The following MINDY3 variants were observed in gnomAD, a reference collection of about 807,000 sequenced individuals.
MINDY3 encodes ubiquitin carboxyl-terminal hydrolase MINDY-3.
A neutral mutation model predicts 69.2 loss-of-function variants in MINDY3; 38 were observed. That is an observed-to-expected ratio of 0.55 (90% CI 0.42 to 0.72). The LOEUF is 0.72. Among genes scored for constraint, MINDY3 ranks in the 30% least tolerant of loss-of-function variants. The pLI is 0.00. For synonymous variants in MINDY3, 192 were observed against 180.1 expected (o/e 1.07, Z -0.53); for missense variants, 522 against 519.0 (o/e 1.01, Z -0.06).
chr10:15,821,771 G>T (rs1025317017), intron 8 of MINDY3, 45 bp from the exon 9 acceptor site: 2 of 1,485,132 alleles, frequency 1.3e-6, no homozygotes, highest in African/African-American at 2.8e-5. Context: ...ACTTAGCATT[G>T]TAGTAGTGTG....
chr10:15,802,802 T>G (rs1393140447), intron 10 of MINDY3, among the ~76,000 whole-genome samples: 4 of 151,974 alleles, frequency 2.6e-5, no homozygotes, highest in Non-Finnish European at 5.9e-5. Flanking sequence ...AAACTGTGTC[T>G]TGAACAATAA....
At chr10:15,819,620 C>T (rs1326023612) in intron 9 of MINDY3, among the ~76,000 whole-genome samples, 3 of 152,162 alleles carry the variant, frequency 2.0e-5, no homozygotes, top group African/African-American at 7.2e-5. Flanking sequence ...ACATCAGCTG[C>T]TCCTAATGGC....
rs550953308 is a variant in MINDY3, at chr10:15,828,331, T to C, written c.730+5299A>G. 1.4e-4 allele frequency among the ~76,000 whole-genome samples: 21 copies of C among 152,280 alleles called. No individual in the cohort carries two copies. In the South Asian group the frequency reaches 4.1e-3, roughly 30 times the overall value. Reference sequence around the variant, plus strand: ...AATCAATCAGTCACCAAAGACCGGATAGCGTATGAGTCTATTTCTATGAAA... The same window carrying C: ...AATCAATCAGTCACCAAAGACCGGACAGCGTATGAGTCTATTTCTATGAAA... On this transcript the variant is annotated intron_variant, in intron 8 of 14. Transcript: ENST00000277632.
intron 11 of MINDY3, among the ~76,000 whole-genome samples, chr10:15,789,943 C>A (rs1837286545): frequency 6.6e-6 from 1 of 152,122 alleles, no homozygotes; most frequent in South Asian, 2.1e-4. Flanking sequence ...GACCATGACA[C>A]ACACAAAGTC....
intron 8 of MINDY3, among the ~76,000 whole-genome samples, chr10:15,822,617 G>C (rs1564496809): frequency 1.3e-5 from 2 of 152,164 alleles, no homozygotes; most frequent in African/African-American, 2.4e-5. Flanking sequence ...TTCTGGACTC[G>C]TGTGAAGAGG....
In MINDY3 at chr10:15,837,432, G is replaced by T. The variant is rs902756400; in HGVS notation, c.462-114C>A. ...AAAACATATACATACAAACAGGAAAGTTTTGGGACGTTTCTAAATTTTTCA... is the reference window on the plus strand; with the variant it reads ...AAAACATATACATACAAACAGGAAATTTTTGGGACGTTTCTAAATTTTTCA... On this transcript the variant is annotated intron_variant, in intron 5 of 14. Transcript: ENST00000277632. The T allele has an allele frequency of 4.0e-6, 5 of 1,239,748 alleles. 1 individual carries two copies. In the South Asian group the frequency reaches 7.3e-5, roughly 18 times the overall value. The allele number at this position is 1,239,748 out of a possible 1,614,324, so 76.8% of individuals were successfully genotyped here. A position where few individuals can be genotyped will look rare whatever the true frequency, so the allele number is the denominator to read the frequency against.
Position 15,779,139 on chromosome 10 carries a change from G to A in MINDY3, c.1191C>T (p.Val397=). The A allele has an allele frequency of 1.2e-6, 2 of 1,612,016 alleles. No individual in the cohort carries two copies. The highest frequency in any genetic ancestry group is 2.2e-5 in the South Asian group (2 of 90,694). ...CAACTGCAGTCCCTTCTACGTACATGACCTGTTGAACAAAATAAAGCCACC... is the reference window on the plus strand; with the variant it reads ...CAACTGCAGTCCCTTCTACGTACATAACCTGTTGAACAAAATAAAGCCACC... ...GLKQSNYNEK[V]MYVEGTAVVM... Residue 397 remains valine (V), a splice_region_variant and synonymous_variant, in exon 15 of 15, where the codon GTC becomes GTT. Coordinates refer to ENST00000277632, the MANE Select transcript of MINDY3 (RefSeq NM_024948.4).
chr10:15,823,994 T>C (rs1020126525), intron 8 of MINDY3, among the ~76,000 whole-genome samples: 11 of 152,196 alleles, frequency 7.2e-5, no homozygotes, highest in African/African-American at 9.6e-5. Context: ...TCTTTGTTAT[T>C]GTTTATAGAA....
rs367679592 is a variant in MINDY3, at chr10:15,853,735, C to CT, written c.95-5793dup. ...TTTTAACTGCAAGCTGAACCAGCTACTTTTTTTTTTTTAATGGAGTGCTGC... is the reference window on the plus strand; with the variant it reads ...TTTTAACTGCAAGCTGAACCAGCTACTTTTTTTTTTTTTAATGGAGTGCTGC... On this transcript the variant is annotated intron_variant, in intron 1 of 14. Coordinates refer to ENST00000277632, the MANE Select transcript of MINDY3 (RefSeq NM_024948.4). Among the ~76,000 whole-genome samples the CT allele has an allele frequency of 6.9e-3, 1,019 of 146,932 alleles. 3 individuals are homozygous for CT. The highest frequency in any genetic ancestry group is 0.011 in the Non-Finnish European group (741 of 66,224).
chr10:15,786,322 G>A (rs1235207702), intron 13 of MINDY3, among the ~76,000 whole-genome samples: 2 of 152,006 alleles, frequency 1.3e-5, no homozygotes, highest in African/African-American at 2.4e-5. Context: ...TGTTCTCTCC[G>A]TATCATTATG....
At chr10:15,819,671 T>A (rs923694424) in intron 9 of MINDY3, among the ~76,000 whole-genome samples, 4 of 152,190 alleles carry the variant, frequency 2.6e-5, no homozygotes, top group Non-Finnish European at 5.9e-5. Flanking sequence ...CAATCCTGCA[T>A]GTGGCCCTGC....
At chr10:15,781,561 A>C (rs1016138897) in intron 14 of MINDY3, among the ~76,000 whole-genome samples, 1 of 152,112 alleles carries the variant, frequency 6.6e-6, no homozygotes, top group African/African-American at 2.4e-5. Context: ...GTGCTTTGTC[A>C]ACGGTTAGCA....
At chr10:15,832,326 T>C (rs1345101572) in intron 8 of MINDY3, among the ~76,000 whole-genome samples, 1 of 151,852 alleles carries the variant, frequency 6.6e-6, no homozygotes, top group Non-Finnish European at 1.5e-5. Context: ...ATAAGATACC[T>C]GGGGGTCCAG....
intron 2 of MINDY3, among the ~76,000 whole-genome samples, chr10:15,843,893 A>C (rs1306459890): frequency 6.6e-6 from 1 of 152,122 alleles, no homozygotes; most frequent in Non-Finnish European, 1.5e-5. Context: ...AACGGTAGCT[A>C]TATCCCAGTC....
At chr10:15,786,443 T>G in intron 13 of MINDY3, 118 bp downstream of exon 13, 1 of 689,002 alleles carries the variant, frequency 1.5e-6, no homozygotes, top group South Asian at 1.8e-5. Flanking sequence ...TGTAACGGTG[T>G]TTTCTCAGTC....
At chr10:15,804,925 C>A (rs1838525695) in intron 10 of MINDY3, among the ~76,000 whole-genome samples, 1 of 152,038 alleles carries the variant, frequency 6.6e-6, no homozygotes, top group Non-Finnish European at 1.5e-5. Flanking sequence ...CCACAGTAGC[C>A]CACTGCTGTG....
At position 15,843,226 on chromosome 10, in the gene MINDY3, CAAG is replaced by C; in HGVS notation, c.218_220del (p.Ser73del). On this transcript the variant is annotated inframe_deletion, in exon 3 of 15. Transcript: ENST00000277632. ...AGCTATCATACCTGAACAATCCCGC[CAAG>C]AAGACTTCTCCGAAGAAAACAGGAG... 1.2e-6 allele frequency: 2 copies of C among 1,612,936 alleles called. No homozygotes were observed. Among genetic ancestry groups the C allele is most frequent in the Non-Finnish European group, 8.5e-7 (1 of 1,179,068 alleles).
intron 10 of MINDY3, among the ~76,000 whole-genome samples, chr10:15,798,963 T>A (rs929331506): frequency 1.3e-5 from 2 of 150,596 alleles, no homozygotes; most frequent in African/African-American, 2.4e-5. Context: ...CTAGTTAACA[T>A]GTGTTCATTT....
chr10:15,824,705 T>G (rs562527592), intron 8 of MINDY3, among the ~76,000 whole-genome samples: 4 of 152,314 alleles, frequency 2.6e-5, no homozygotes, highest in African/African-American at 9.6e-5. Flanking sequence ...TAAAATCAGT[T>G]ACCACCACCT....
Sources: gnomAD v4.1 joint callset for allele counts (sites outside exome capture counted in the v4.1 genomes callset) on GRCh38, gnomAD v4.1.1 for gene constraint, MANE v1.5 for transcripts, NCBI Gene and HGNC (gene_info 2026-07-23, HGNC 2026-07-21) for gene names.